The following ZNF831 variants were observed in gnomAD, a reference collection of about 807,000 sequenced individuals.
The protein encoded by ZNF831 is chromosome 20 open reading frame 174.
A neutral mutation model predicts 95.8 loss-of-function variants in ZNF831; 59 were observed. The observed-to-expected ratio is 0.62, with a 90% CI of 0.50 to 0.77. The LOEUF (loss-of-function observed/expected upper bound fraction) is 0.77, where lower values mean the gene tolerates loss of function less well. Ranked by LOEUF, ZNF831 falls within the 30% of genes least tolerant of loss-of-function variation. The pLI is 0.00. For missense variants in ZNF831, 2,205 were observed against 2,164.0 expected, an observed-to-expected ratio of 1.02 and a Z score of -0.38; for synonymous variants, 961 against 925.5, an observed-to-expected ratio of 1.04 and a Z score of -0.70.
intron 4 of ZNF831, among the ~76,000 whole-genome samples, chr20:59,231,637 T>C (rs1986728000): frequency 6.6e-6 from 1 of 152,224 alleles, no homozygotes; most frequent in Non-Finnish European, 1.5e-5. Context: ...TGTTCCATGT[T>C]CATGTTTATG....
intron 2 of ZNF831, among the ~76,000 whole-genome samples, chr20:59,153,386 T>C (rs916572976): frequency 6.6e-6 from 1 of 152,214 alleles, no homozygotes; most frequent in Non-Finnish European, 1.5e-5. Flanking sequence ...TGTTTGTCCC[T>C]CCTCCCTGGG....
intron 4 of ZNF831, among the ~76,000 whole-genome samples, chr20:59,216,339 C>G (rs770163859): frequency 5.0e-4 from 76 of 152,366 alleles, no homozygotes; most frequent in Non-Finnish European, 8.7e-4. Flanking sequence ...CCTGGAAGAG[C>G]CTTCCCTTCT....
Position 59,194,289 on chromosome 20 carries a change from T to A in ZNF831, c.3270T>A (p.Ser1090=). The A allele has an allele frequency of 6.2e-7, 1 of 1,614,002 alleles. No individual in the cohort carries two copies. The highest frequency in any genetic ancestry group is 8.5e-7 in the Non-Finnish European group (1 of 1,180,010). The change falls in exon 2 of 6, where the codon TCT becomes TCA. Residue 1090 remains serine (S), a synonymous_variant. Transcript: ENST00000371030. ...MGSTLARARL[S]GDVLNPWVPN... ...GCACTTTGGCAAGGGCCAGGCTCTC[T>A]GGGGATGTCCTGAATCCCTGGGTAC... is the stretch of plus-strand genomic sequence containing the variant.
In ZNF831 at chr20:59,256,820, T is replaced by C. The variant is rs1433128121; in HGVS notation, c.*2077T>C. 3 of 152,262 alleles carry C rather than the reference T, an allele frequency of 2.0e-5. No homozygotes were observed. Among genetic ancestry groups the C allele is most frequent in the African/African-American group, 7.2e-5 (3 of 41,450 alleles). The allele number at this position is 152,262 out of a possible 1,614,324, so 9.4% of individuals were successfully genotyped here. On this transcript the variant is annotated 3_prime_UTR_variant, in exon 6 of 6. Coordinates refer to ENST00000371030, the MANE Select transcript of ZNF831 (RefSeq NM_178457.3). ...AGAACCTGAGCCTGAAGAAGCTCCA[T>C]CTAATTTTTTCCCCAGAGTTCCAGA...
upstream of ZNF831, chr20:59,160,196 G>A (rs1980773614): frequency 6.6e-6 from 1 of 152,298 alleles, no homozygotes; most frequent in Admixed American, 6.5e-5. Flanking sequence ...GCTGACCTTG[G>A]GAGGACTTGG....
chr20:59,153,886 A>G (rs1168690605), intron 2 of ZNF831, among the ~76,000 whole-genome samples: 1 of 152,184 alleles, frequency 6.6e-6, no homozygotes, highest in Non-Finnish European at 1.5e-5. Flanking sequence ...CAAGGAGCAC[A>G]TGGTCTGATG....
intron 1 of ZNF831, among the ~76,000 whole-genome samples, chr20:59,141,433 C>T (rs1010285558): frequency 6.6e-6 from 1 of 152,058 alleles, no homozygotes; most frequent in African/African-American, 2.4e-5. Context: ...TCATTTTTGC[C>T]TACAGAGTCC....
At chr20:59,245,048 A>G (rs1568793864) in intron 4 of ZNF831, among the ~76,000 whole-genome samples, 1 of 152,178 alleles carries the variant, frequency 6.6e-6, no homozygotes, top group Non-Finnish European at 1.5e-5. Context: ...TCCCATCAAT[A>G]TTTTTAACAG....
At chr20:59,205,839 T>G (rs988149966) in intron 3 of ZNF831, among the ~76,000 whole-genome samples, 2 of 152,192 alleles carry the variant, frequency 1.3e-5, no homozygotes, top group African/African-American at 4.8e-5. Context: ...GCCTATATAA[T>G]GGGGGTGCTA....
At chr20:59,241,039 GA>G (rs1236215094) in intron 4 of ZNF831, among the ~76,000 whole-genome samples, 3 of 151,276 alleles carry the variant, frequency 2.0e-5, no homozygotes, top group African/African-American at 7.3e-5. Flanking sequence ...AGGTAAAAAA[GA>G]AAAAAAAGTC....
Position 59,191,875 on chromosome 20 carries a change from G to A in ZNF831, c.856G>A (p.Ala286Thr), listed in dbSNP as rs1983571414. 6.2e-7 allele frequency: 1 copy of A among 1,613,018 alleles called. No individual in the cohort carries two copies. Among genetic ancestry groups the A allele is most frequent in the Non-Finnish European group, 8.5e-7 (1 of 1,179,954 alleles). The change falls in exon 2 of 6, where the codon GCG becomes ACG. Residue 286 changes from alanine (A) to threonine (T), a missense_variant. Coordinates refer to ENST00000371030, the MANE Select transcript of ZNF831 (RefSeq NM_178457.3). ...REAPWDSAPM[A>T]SPGLPAASTQ... Reference sequence around the variant, plus strand: ...GGCTCCTTGGGACTCTGCCCCCATGGCGTCACCTGGGCTCCCAGCGGCCAG... The same window carrying A: ...GGCTCCTTGGGACTCTGCCCCCATGACGTCACCTGGGCTCCCAGCGGCCAG...
chr20:59,238,647 G>C (rs540108693), intron 4 of ZNF831, among the ~76,000 whole-genome samples: 1 of 152,296 alleles, frequency 6.6e-6, no homozygotes, highest in South Asian at 2.1e-4. Context: ...TTTGAGATTC[G>C]TGAGGGAGAC....
At chr20:59,253,554 A>G (rs1173593708) in intron 5 of ZNF831, among the ~76,000 whole-genome samples, 1 of 152,174 alleles carries the variant, frequency 6.6e-6, no homozygotes, top group African/African-American at 2.4e-5. Flanking sequence ...CCTTCAATAC[A>G]CAGTCCTATA....
At chr20:59,243,251 T>C (rs1287711366) in intron 4 of ZNF831, among the ~76,000 whole-genome samples, 1 of 152,188 alleles carries the variant, frequency 6.6e-6, no homozygotes, top group Non-Finnish European at 1.5e-5. Context: ...TTTAGGAAAA[T>C]TCCTCTGAGG....
At chr20:59,187,621 G>C (rs894100112) in intron 1 of ZNF831, among the ~76,000 whole-genome samples, 2 of 152,112 alleles carry the variant, frequency 1.3e-5, no homozygotes, top group African/African-American at 4.8e-5. Flanking sequence ...AATTGAGACA[G>C]TACCTGTTTA....
intron 3 of ZNF831, among the ~76,000 whole-genome samples, chr20:59,197,726 G>C (rs1984227080): frequency 6.6e-6 from 1 of 152,124 alleles, no homozygotes; most frequent in Admixed American, 6.5e-5. Flanking sequence ...CTGTGTAATG[G>C]GGCCTCTAAG....
rs1988119973 is a variant in ZNF831 at position 59,255,177 on chromosome 20, C to G, written c.*434C>G. On this transcript the variant is annotated 3_prime_UTR_variant, in exon 6 of 6. Transcript: ENST00000371030. ...GCAACTGGCTTTCTCCATTAGTAAA[C>G]TGAGGATTTGCTTCCAAGGTGGAGA... 6.1e-6 allele frequency: 1 copy of G among 162,788 alleles called. No homozygotes were observed. The highest frequency in any genetic ancestry group is 1.4e-5 in the Non-Finnish European group (1 of 73,502). 10.1% of individuals were successfully genotyped at this position (162,788 alleles called of 1,614,324 possible).
chr20:59,228,917 G>A (rs1178923205), intron 4 of ZNF831, among the ~76,000 whole-genome samples: 1 of 151,956 alleles, frequency 6.6e-6, no homozygotes. Flanking sequence ...TATTCTTTCT[G>A]ACTATATTTT....
At chr20:59,219,429 C>T (rs1034166760) in intron 4 of ZNF831, among the ~76,000 whole-genome samples, 19 of 152,122 alleles carry the variant, frequency 1.2e-4, no homozygotes, top group Non-Finnish European at 1.5e-4. Context: ...CAAGGGGAGC[C>T]GGCACAGACT....
Sources: allele counts gnomAD v4.1 joint callset (sites outside exome capture counted in the v4.1 genomes callset), GRCh38; gene constraint gnomAD v4.1.1; transcripts MANE v1.5; gene names NCBI Gene and HGNC (gene_info 2026-07-23, HGNC 2026-07-21).